The following NAV1 variants were observed in gnomAD, a reference collection of about 807,000 sequenced individuals.
NAV1 encodes the protein neuron navigator 1, also known as pore membrane and/or filament interacting like protein 3.
NAV1 carries 18 observed loss-of-function variants against 175.2 expected under a neutral mutation model. The observed-to-expected ratio is 0.10, with a 90% CI of 0.07 to 0.15. NAV1 has a LOEUF of 0.15. Ranked by LOEUF, NAV1 falls within the 10% of genes least tolerant of loss-of-function variation. The pLI, the probability that NAV1 is intolerant of heterozygous loss-of-function variation, is 1.00. For missense variants in NAV1, 1,731 were observed against 2,436.6 expected, an observed-to-expected ratio of 0.71 and a Z score of 6.10; for synonymous variants, 897 against 978.7, an observed-to-expected ratio of 0.92 and a Z score of 1.56.
chr1:201,743,485 C>G (rs1384290596), intron 3 of NAV1, among the ~76,000 whole-genome samples: 1 of 152,222 alleles, frequency 6.6e-6, no homozygotes, highest in African/African-American at 2.4e-5. Context: ...GTTTTCCTCT[C>G]TATAAAATGG....
At chr1:201,581,384 G>A (rs1666853512) in intron 1 of NAV1, among the ~76,000 whole-genome samples, 1 of 152,180 alleles carries the variant, frequency 6.6e-6, no homozygotes, top group Non-Finnish European at 1.5e-5. Context: ...CAGATTTTGA[G>A]AGGGAAAGAA....
intron 3 of NAV1, among the ~76,000 whole-genome samples, chr1:201,764,386 T>G (rs1675059253): frequency 6.6e-6 from 1 of 152,230 alleles, no homozygotes; most frequent in Non-Finnish European, 1.5e-5. Flanking sequence ...TCTTCCTGGC[T>G]GTAGACAGCC....
chr1:201,735,557 T>C (rs1358733140), intron 3 of NAV1, among the ~76,000 whole-genome samples: 1 of 152,198 alleles, frequency 6.6e-6, no homozygotes. Context: ...GGTAAAGAAA[T>C]CCATTGCCTG....
chr1:201,638,929 A>G (rs10920223), intron 2 of NAV1, among the ~76,000 whole-genome samples: 46,401 of 152,068 alleles, frequency 0.31, 7,935 homozygotes, highest in African/African-American at 0.44. Flanking sequence ...CAGCTGGCAG[A>G]AGAGGATATC....
chr1:201,796,156 G>C (rs1378612138), intron 15 of NAV1: 3 of 152,142 alleles, frequency 2.0e-5, no homozygotes, highest in Non-Finnish European at 4.4e-5. Flanking sequence ...TTTGTGTGTG[G>C]ACATATGTTT....
At chr1:201,731,274 G>A (rs1210230507) in intron 3 of NAV1, among the ~76,000 whole-genome samples, 1 of 152,038 alleles carries the variant, frequency 6.6e-6, no homozygotes, top group African/African-American at 2.4e-5. Context: ...AAACGTGTGT[G>A]AGAGGTGGCT....
At chr1:201,803,664 A>G in exon 16 of NAV1, 1 of 1,613,878 alleles carries the variant, frequency 6.2e-7, no homozygotes, top group Non-Finnish European at 8.5e-7. Context: ...CCATTCCAGC[A>G]TCGGCAGCAG....
At chr1:201,721,558 T>C (rs1364642168) in intron 3 of NAV1, among the ~76,000 whole-genome samples, 1 of 152,246 alleles carries the variant, frequency 6.6e-6, no homozygotes, top group Non-Finnish European at 1.5e-5. Context: ...GTGGTTTCCA[T>C]CTAGATGTTA....
chr1:201,683,898 C>A (rs534876542), intron 1 of NAV1, among the ~76,000 whole-genome samples: 2 of 151,240 alleles, frequency 1.3e-5, no homozygotes, highest in African/African-American at 4.9e-5. Context: ...CACCTAAATT[C>A]TTCTTTATGG....
chr1:201,591,389 A>G (rs970679916), intron 2 of NAV1, among the ~76,000 whole-genome samples: 1 of 152,086 alleles, frequency 6.6e-6, no homozygotes, highest in Admixed American at 6.6e-5. Context: ...AGAGGTGAGG[A>G]GAGGAAGGGC....
chr1:201,785,721 A>G (rs958923923), intron 8 of NAV1, among the ~76,000 whole-genome samples: 1 of 151,518 alleles, frequency 6.6e-6, no homozygotes, highest in Non-Finnish European at 1.5e-5. Context: ...GGCTAGGGGC[A>G]GGACCTACCT....
intron 1 of NAV1, among the ~76,000 whole-genome samples, chr1:201,554,782 C>T (rs1004641935): frequency 1.3e-5 from 2 of 152,184 alleles, no homozygotes; most frequent in Non-Finnish European, 1.5e-5. Flanking sequence ...GCTGCCATAA[C>T]AAAGTACCAC....
intron 1 of NAV1, among the ~76,000 whole-genome samples, chr1:201,556,328 G>A (rs934715557): frequency 1.3e-5 from 2 of 151,940 alleles, no homozygotes; most frequent in Non-Finnish European, 2.9e-5. Context: ...TGAGGCAGGA[G>A]ACTTTCTTGA....
intron 1 of NAV1, among the ~76,000 whole-genome samples, chr1:201,688,876 G>T (rs1343710684): frequency 6.6e-6 from 1 of 152,206 alleles, no homozygotes; most frequent in African/African-American, 2.4e-5. Flanking sequence ...TGAAAAGGAG[G>T]TTGGTTAGGG....
chr1:201,593,638 G>T (rs554746747), intron 2 of NAV1, among the ~76,000 whole-genome samples: 2 of 152,210 alleles, frequency 1.3e-5, no homozygotes, highest in South Asian at 4.2e-4. Context: ...TACTGGGCCC[G>T]CACGATATGT....
At chr1:201,552,688 T>A (rs929900468) in intron 1 of NAV1, among the ~76,000 whole-genome samples, 2 of 152,348 alleles carry the variant, frequency 1.3e-5, no homozygotes, top group East Asian at 1.9e-4. Flanking sequence ...GTCATTCTTA[T>A]GGTCCTTAAT....
Position 201,600,381 on chromosome 1 carries a change from G to A in NAV1, c.-33+11732G>A, listed in dbSNP as rs150465438. ...TCTCCTTTTCCCCTGAAGCATGGTGGAGACAGGCTGGAGTTTTCAAAAAGT... is the reference window on the plus strand; with the variant it reads ...TCTCCTTTTCCCCTGAAGCATGGTGAAGACAGGCTGGAGTTTTCAAAAAGT... On this transcript the variant is annotated intron_variant, in intron 2 of 33. Coordinates refer to the NAV1 transcript ENST00000685211. Among the ~76,000 whole-genome samples the A allele has an allele frequency of 7.8e-4, 119 of 152,334 alleles. No individual in the cohort carries two copies. The East Asian group carries it at 0.02, about 25-fold the overall frequency.
At chr1:201,713,070 C>T in intron 2 of NAV1, 151 bp downstream of exon 6, 1 of 605,480 alleles carries the variant, frequency 1.7e-6, no homozygotes, top group East Asian at 2.8e-5. Context: ...GGAGGAAATC[C>T]ATTTATCTCA....
At chr1:201,585,185 G>A (rs1666988080) in intron 1 of NAV1, among the ~76,000 whole-genome samples, 1 of 152,146 alleles carries the variant, frequency 6.6e-6, no homozygotes, top group Admixed American at 6.5e-5. Context: ...CTGGTTTTAG[G>A]GTTCTGAACG....
Sources: allele counts gnomAD v4.1 joint callset (sites outside exome capture counted in the v4.1 genomes callset), GRCh38; gene constraint gnomAD v4.1.1; transcripts MANE v1.5; gene names NCBI Gene and HGNC (gene_info 2026-07-23, HGNC 2026-07-21).